Variants in SAMMSON observed in about 807,000 individuals in gnomAD.
SAMMSON encodes the protein survival associated mitochondrial melanoma specific oncogenic non-coding RNA, also known as long intergenic non-protein coding RNA 1212.
chr3:70,020,063 T>G (rs2067005448), intron 3 of SAMMSON, among the ~76,000 whole-genome samples: 1 of 152,102 alleles, frequency 6.6e-6, no homozygotes, highest in Admixed American at 6.6e-5. Flanking sequence ...AAAGGTAGAG[T>G]TAAAAATGCT....
chr3:70,419,739 C>T (rs1453371448), intron 2 of SAMMSON, among the ~76,000 whole-genome samples: 2 of 152,080 alleles, frequency 1.3e-5, no homozygotes, highest in Non-Finnish European at 2.9e-5. Flanking sequence ...CCCGGGTTCA[C>T]GCCATTCTCC....
chr3:70,036,458 A>C (rs2067085468), intron 3 of SAMMSON, among the ~76,000 whole-genome samples: 1 of 152,160 alleles, frequency 6.6e-6, no homozygotes, highest in Non-Finnish European at 1.5e-5. Context: ...CATTAGCTCA[A>C]TCATAAGTAT....
chr3:70,279,084 C>T, intron 6 of SAMMSON, among the ~76,000 whole-genome samples: 1 of 149,584 alleles, frequency 6.7e-6, no homozygotes, highest in East Asian at 2.0e-4. Context: ...TTTGCCCAAG[C>T]CTGACTTCCA....
chr3:70,022,321 C>G (rs1426891484), intron 3 of SAMMSON, among the ~76,000 whole-genome samples: 1 of 144,742 alleles, frequency 6.9e-6, no homozygotes, highest in Non-Finnish European at 1.5e-5. Flanking sequence ...ATACCTAATG[C>G]TAAATGAGGA....
intron 4 of SAMMSON, among the ~76,000 whole-genome samples, chr3:70,231,550 AG>A (rs1701560144): frequency 6.6e-6 from 1 of 152,190 alleles, no homozygotes; most frequent in Non-Finnish European, 1.5e-5. Flanking sequence ...ATGACTTGTT[AG>A]TTGTGCTGGA....
rs74415199 is a variant in SAMMSON at position 70,423,191 on chromosome 3, T to A, written n.234-39369T>A. Among the ~76,000 whole-genome samples, 929 of 152,246 alleles carry A rather than the reference T, an allele frequency of 6.1e-3. 9 individuals are homozygous for A. The highest frequency in any genetic ancestry group is 0.02 in the African/African-American group (843 of 41,580). On this transcript the variant is annotated intron_variant and non_coding_transcript_variant, in intron 2 of 3. Coordinates refer to the SAMMSON transcript ENST00000641053. ...TAGTAAGAAAGAGCCAGAAAGGGAA[T>A]AAACTGATACTTACATGTTAACAAT...
intron 2 of SAMMSON, among the ~76,000 whole-genome samples, chr3:70,412,256 C>A (rs1701225563): frequency 6.6e-6 from 1 of 152,124 alleles, no homozygotes; most frequent in Admixed American, 6.5e-5. Context: ...CAAACCCCCA[C>A]ATTATGTCAT....
At chr3:70,152,732 A>G (rs975053856) in intron 4 of SAMMSON, among the ~76,000 whole-genome samples, 1 of 152,058 alleles carries the variant, frequency 6.6e-6, no homozygotes, top group Admixed American at 6.6e-5. Context: ...CTTCAACACA[A>G]AAATACCCTT....
intron 4 of SAMMSON, among the ~76,000 whole-genome samples, chr3:70,174,443 T>A (rs1238174565): frequency 6.6e-6 from 1 of 151,916 alleles, no homozygotes; most frequent in African/African-American, 2.4e-5. Flanking sequence ...CAAAATAGAA[T>A]GTGCATCATC....
chr3:70,002,318 C>T (rs939194918), intron 1 of SAMMSON, among the ~76,000 whole-genome samples: 1 of 152,086 alleles, frequency 6.6e-6, no homozygotes, highest in Non-Finnish European at 1.5e-5. Context: ...ATAAGAATAA[C>T]AACTACTGAC....
At chr3:70,317,892 CAT>C (rs1241016702) in intron 7 of SAMMSON, among the ~76,000 whole-genome samples, 1 of 151,698 alleles carries the variant, frequency 6.6e-6, no homozygotes, top group Admixed American at 6.6e-5. Context: ...AGTTCACTAT[CAT>C]CTGTGAAGGA....
At chr3:70,227,893 A>G (rs549701599) in intron 4 of SAMMSON, among the ~76,000 whole-genome samples, 1 of 152,174 alleles carries the variant, frequency 6.6e-6, no homozygotes, top group Non-Finnish European at 1.5e-5. Context: ...TCCAGAAAAG[A>G]GCATGAGCTT....
intron 7 of SAMMSON, among the ~76,000 whole-genome samples, chr3:70,313,464 C>A (rs1434532756): frequency 2.1e-5 from 3 of 142,910 alleles, no homozygotes; most frequent in East Asian, 2.0e-4. Flanking sequence ...GGCAACAGAG[C>A]AAGACACTGT....
intron 4 of SAMMSON, among the ~76,000 whole-genome samples, chr3:70,087,597 T>C (rs989114043): frequency 6.6e-6 from 1 of 152,124 alleles, no homozygotes; most frequent in Non-Finnish European, 1.5e-5. Flanking sequence ...GAGATGACAC[T>C]GGAGTTATTT....
intron 2 of SAMMSON, among the ~76,000 whole-genome samples, chr3:70,410,065 C>T (rs1247851255): frequency 6.6e-6 from 1 of 151,574 alleles, no homozygotes; most frequent in Non-Finnish European, 1.5e-5. Flanking sequence ...TCCTTTAGAA[C>T]CTTGACTTTT....
chr3:70,201,377 T>C (rs1273526739), intron 4 of SAMMSON, among the ~76,000 whole-genome samples: 1 of 152,196 alleles, frequency 6.6e-6, no homozygotes, highest in Non-Finnish European at 1.5e-5. Flanking sequence ...GGACATGATC[T>C]TGTTCTTTTT....
intron 8 of SAMMSON, among the ~76,000 whole-genome samples, chr3:70,355,503 G>A (rs1409932433): frequency 6.6e-6 from 1 of 152,100 alleles, no homozygotes; most frequent in South Asian, 2.1e-4. Context: ...GAGAGCTCTG[G>A]AGAATCTTTT....
rs189474224 is a variant in SAMMSON at position 70,161,961 on chromosome 3, A to G, written n.508-87146A>G. 7.7e-3 allele frequency among the ~76,000 whole-genome samples: 1,175 copies of G among 151,694 alleles called. 10 individuals carry two copies. The highest frequency in any genetic ancestry group is 0.026 in the African/African-American group (1,096 of 41,476). On this transcript the variant is annotated intron_variant and non_coding_transcript_variant, in intron 4 of 9. Coordinates refer to ENST00000642114, the Ensembl canonical transcript of SAMMSON. The stretch of plus-strand genomic sequence containing the variant: ...TTCTTAGTACTTTATAATTATTTTA[A>G]TTTCTAAAGATTCAGTGGTAATTCT...
At chr3:70,263,212 C>T (rs1399882940) in intron 6 of SAMMSON, among the ~76,000 whole-genome samples, 2 of 151,972 alleles carry the variant, frequency 1.3e-5, no homozygotes, top group Admixed American at 1.3e-4. Flanking sequence ...ATCATATTTT[C>T]CTGCTTCTTC....
Sources: gnomAD v4.1 joint callset for allele counts (sites outside exome capture counted in the v4.1 genomes callset) on GRCh38, gnomAD v4.1.1 for gene constraint, MANE v1.5 for transcripts, NCBI Gene and HGNC (gene_info 2026-07-23, HGNC 2026-07-21) for gene names.